The following STYXL2 variants were observed in gnomAD, a reference collection of about 807,000 sequenced individuals.
The protein encoded by STYXL2 is serine/threonine/tyrosine-interacting-like protein 2.
Under a neutral mutation model 52.4 loss-of-function variants are expected in STYXL2, and 44 were observed. The observed-to-expected ratio is 0.84, with a 90% CI of 0.66 to 1.08. STYXL2 has a LOEUF of 1.08. Ranked by LOEUF, STYXL2 falls within the 50% of genes least tolerant of loss-of-function variation. The pLI is 0.00. For synonymous variants in STYXL2, 604 were observed against 586.9 expected (o/e 1.03, Z -0.42); for missense variants, 1,604 against 1,471.7 (o/e 1.09, Z -1.47).
intron 3 of STYXL2, among the ~76,000 whole-genome samples, chr1:167,115,735 T>C (rs1278389755): frequency 1.3e-5 from 2 of 152,174 alleles, no homozygotes; most frequent in Non-Finnish European, 1.5e-5. Flanking sequence ...GAACACTTCA[T>C]CTATTTTTAA....
In STYXL2 at chr1:167,128,549, G is replaced by T. The variant is rs765796904; in HGVS notation, c.3418G>T (p.Ala1140Ser). The T allele has an allele frequency of 2.6e-5, 42 of 1,613,848 alleles. No individual in the cohort carries two copies. Among genetic ancestry groups the T allele is most frequent in the Non-Finnish European group, 3.5e-5 (41 of 1,179,992 alleles). The change falls in exon 6 of 6, where the codon GCT becomes TCT. Residue 1140 changes from alanine to serine, a missense_variant. Coordinates refer to ENST00000361200, the MANE Select transcript of STYXL2 (RefSeq NM_001080426.3). ...AATGGACGATGAAGCCATCATTGCT[G>T]CTTGGAGACGCCGGCAAGAAGAAAC... is the stretch of plus-strand genomic sequence containing the variant. ...EEMDDEAIIA[A>S]WRRRQEETRT...
chr1:167,106,191 A>G (rs1417733524), intron 2 of STYXL2, among the ~76,000 whole-genome samples: 3 of 152,200 alleles, frequency 2.0e-5, no homozygotes, highest in Admixed American at 6.5e-5. Flanking sequence ...GGAAAGTGGC[A>G]GGATGGAGTG....
chr1:167,099,665 C>G (rs1179691122), intron 2 of STYXL2, among the ~76,000 whole-genome samples: 1 of 152,204 alleles, frequency 6.6e-6, no homozygotes, highest in Non-Finnish European at 1.5e-5. Flanking sequence ...AACTCCTATT[C>G]ATTGCTGGTG....
At chr1:167,121,606 C>A (rs1302720851) in intron 5 of STYXL2, among the ~76,000 whole-genome samples, 1 of 152,248 alleles carries the variant, frequency 6.6e-6, no homozygotes, top group Non-Finnish European at 1.5e-5. Flanking sequence ...CGAGCCCAAA[C>A]GCGGAGGCGG....
In STYXL2 at chr1:167,103,400, A is replaced by C. The variant is rs539190402; in HGVS notation, c.110+8441A>C. Among the ~76,000 whole-genome samples, 267 of 152,240 alleles carry C rather than the reference A, an allele frequency of 1.8e-3. 1 individual carries two copies. The highest frequency in any genetic ancestry group is 6.2e-3 in the African/African-American group (258 of 41,526). On this transcript the variant is annotated intron_variant, in intron 2 of 5. Coordinates refer to ENST00000361200, the MANE Select transcript of STYXL2 (RefSeq NM_001080426.3). ...GTGGAACTAGAACAGAGCCTTGCAAAACTTCACCCAGTGATCCAAACAGCC... is the reference window on the plus strand; with the variant it reads ...GTGGAACTAGAACAGAGCCTTGCAACACTTCACCCAGTGATCCAAACAGCC...
chr1:167,109,399 A>G (rs1352637388), intron 2 of STYXL2, among the ~76,000 whole-genome samples: 1 of 152,142 alleles, frequency 6.6e-6, no homozygotes, highest in African/African-American at 2.4e-5. Flanking sequence ...TGGGTGAGGC[A>G]CCCACTGCCA....
rs1275018785 is a variant in STYXL2, at chr1:167,103,357, A to G, written c.110+8398A>G. ...GCCCTATATCCAGCCCCTAGGAAAC[A>G]GAATTTTACTCTTTCCTGTGGAACT... On this transcript the variant is annotated intron_variant, in intron 2 of 5. Coordinates refer to ENST00000361200, the MANE Select transcript of STYXL2 (RefSeq NM_001080426.3). 3.9e-5 allele frequency among the ~76,000 whole-genome samples: 6 copies of G among 152,206 alleles called. No homozygotes were observed. In the South Asian group the frequency reaches 1.2e-3, roughly 32 times the overall value.
At position 167,128,812 on chromosome 1, in the gene STYXL2, C is replaced by A; in HGVS notation, c.*204C>A. ...AGGGGGAGAACCATCAATACGAATA[C>A]GAGGTCCGAATGCGGACCAACTGAT... On this transcript the variant is annotated 3_prime_UTR_variant, in exon 6 of 6. Transcript: ENST00000361200. 1.3e-6 allele frequency: 1 copy of A among 785,736 alleles called. No homozygotes were observed. Among genetic ancestry groups the A allele is most frequent in the Non-Finnish European group, 1.9e-6 (1 of 530,548 alleles). The allele number at this position is 785,736 out of a possible 1,614,324, so 48.7% of individuals were successfully genotyped here. A position where few individuals can be genotyped will look rare whatever the true frequency, so the allele number is the denominator to read the frequency against.
Position 167,097,204 on chromosome 1 carries a change from T to A in STYXL2, c.110+2245T>A, listed in dbSNP as rs139194759. Among the ~76,000 whole-genome samples, 7 of 152,346 alleles carry A rather than the reference T, an allele frequency of 4.6e-5. No individual in the cohort carries two copies. The East Asian group carries it at 1.4e-3, about 29-fold the overall frequency. ...AGCCACGTTGAAGACATGTCTTCCTTGAAGGCTGTATAGCTTTTGCAGACT... is the reference window on the plus strand; with the variant it reads ...AGCCACGTTGAAGACATGTCTTCCTAGAAGGCTGTATAGCTTTTGCAGACT... On this transcript the variant is annotated intron_variant, in intron 2 of 5. Coordinates refer to ENST00000361200, the MANE Select transcript of STYXL2 (RefSeq NM_001080426.3).
intron 2 of STYXL2, among the ~76,000 whole-genome samples, chr1:167,098,771 G>C (rs921302888): frequency 6.6e-6 from 1 of 152,138 alleles, no homozygotes; most frequent in Non-Finnish European, 1.5e-5. Flanking sequence ...CTTTTGGCCG[G>C]AATACCTAAG....
intron 5 of STYXL2, among the ~76,000 whole-genome samples, chr1:167,122,114 T>C (rs1205880089): frequency 6.6e-6 from 1 of 152,088 alleles, no homozygotes; most frequent in Non-Finnish European, 1.5e-5. Context: ...TTGAGACCTA[T>C]GGAAGATTAA....
At chr1:167,117,927 A>G (rs367546103) in intron 4 of STYXL2, among the ~76,000 whole-genome samples, 2 of 152,362 alleles carry the variant, frequency 1.3e-5, no homozygotes, top group Non-Finnish European at 2.9e-5. Context: ...TGACATGCAT[A>G]TGTAATTACC....
At chr1:167,123,816 GT>G (rs1317156285) in intron 5 of STYXL2, among the ~76,000 whole-genome samples, 1 of 152,154 alleles carries the variant, frequency 6.6e-6, no homozygotes, top group Non-Finnish European at 1.5e-5. Flanking sequence ...TAGAGACAGG[GT>G]TTTGCCATGT....
At position 167,110,343 on chromosome 1, in the gene STYXL2, A is replaced by G. The variant is rs1186672466; in HGVS notation, c.111-3367A>G. 2.0e-5 allele frequency among the ~76,000 whole-genome samples: 3 copies of G among 152,232 alleles called. No homozygotes were observed. In the East Asian group the frequency reaches 5.8e-4, roughly 29 times the overall value. The stretch of plus-strand genomic sequence containing the variant: ...TTTAACACCCCCAAAAGATCACATT[A>G]GTTCACCAGCAATGAATCCAAACCA... On this transcript the variant is annotated intron_variant, in intron 2 of 5. Coordinates refer to ENST00000361200, the MANE Select transcript of STYXL2 (RefSeq NM_001080426.3).
In STYXL2 at chr1:167,128,257, C is replaced by T; in HGVS notation, c.3126C>T (p.Phe1042=). 6.2e-6 allele frequency: 10 copies of T among 1,614,162 alleles called. No homozygotes were observed. The highest frequency in any genetic ancestry group is 8.5e-6 in the Non-Finnish European group (10 of 1,180,014). The change falls in exon 6 of 6, where the codon TTC becomes TTT. Residue 1042 remains phenylalanine, a synonymous_variant. Transcript: ENST00000361200. ...SREESPEPYF[F]RRTPESSERE... ...AGGAGAGCCCAGAGCCCTACTTCTT[C>T]CGCCGGACCCCAGAGTCCTCAGAAA...
chr1:167,124,570 G>T (rs902504943), intron 5 of STYXL2, among the ~76,000 whole-genome samples: 4 of 152,162 alleles, frequency 2.6e-5, no homozygotes, highest in Non-Finnish European at 5.9e-5. Flanking sequence ...AGCCGAAAAG[G>T]AGGCCAGGAG....
At chr1:167,121,016 CCTT>C (rs1558025068) in intron 5 of STYXL2, among the ~76,000 whole-genome samples, 2 of 92,668 alleles carry the variant, frequency 2.2e-5, no homozygotes, top group African/African-American at 1.0e-4. Context: ...CTTAAAAACT[CCTT>C]TTTTTTTTTT....
chr1:167,123,426 T>A (rs1317633249), intron 5 of STYXL2, among the ~76,000 whole-genome samples: 3 of 152,190 alleles, frequency 2.0e-5, no homozygotes, highest in Non-Finnish European at 4.4e-5. Context: ...TGTCCTGAAG[T>A]GTCCTGAAGT....
chr1:167,096,835 T>G (rs908742092), intron 2 of STYXL2, among the ~76,000 whole-genome samples: 13 of 152,176 alleles, frequency 8.5e-5, no homozygotes, highest in African/African-American at 3.1e-4. Context: ...CTATAGAACA[T>G]GTTTACTGCC....
Sources: gnomAD v4.1 joint callset for allele counts (sites outside exome capture counted in the v4.1 genomes callset) on GRCh38, gnomAD v4.1.1 for gene constraint, MANE v1.5 for transcripts, NCBI Gene and HGNC (gene_info 2026-07-23, HGNC 2026-07-21) for gene names.